The following IL1RAPL1 variants were observed in gnomAD, a reference collection of about 807,000 sequenced individuals.
IL1RAPL1 encodes interleukin 1 receptor accessory protein like 1.
Under a neutral mutation model 48.4 loss-of-function variants are expected in IL1RAPL1, and 3 were observed. The observed-to-expected ratio is 0.06, with a 90% CI of 0.03 to 0.16. The LOEUF (loss-of-function observed/expected upper bound fraction) is 0.16, where lower values mean the gene tolerates loss of function less well. Ranked by LOEUF, IL1RAPL1 falls within the 10% of genes least tolerant of loss-of-function variation. IL1RAPL1 has a pLI of 1.00. For synonymous variants in IL1RAPL1, 185 were observed against 187.7 expected, an observed-to-expected ratio of 0.99 and a Z score of 0.12; for missense variants, 349 against 530.6, an observed-to-expected ratio of 0.66 and a Z score of 3.36.
chrX:29,767,956 A>T (rs1298082992), intron 6 of IL1RAPL1, among the ~76,000 whole-genome samples: 1 of 97,429 alleles, frequency 1.0e-5, no homozygotes, highest in African/African-American at 5.2e-5. Flanking sequence ...GTTGTAAATT[A>T]AAAAAAAAAT....
chrX:28,951,150 A>G lies in IL1RAPL1; in HGVS notation c.82+161725A>G, dbSNP rs760011593. 3.1e-5 allele frequency among the ~76,000 whole-genome samples: 3 copies of G among 95,941 alleles called. No individual in the cohort carries two copies. The South Asian group carries it at 1.9e-3, about 59-fold the overall frequency. 83.3% of individuals were successfully genotyped at this position (95,941 alleles called of 115,157 possible). On this transcript the variant is annotated intron_variant, in intron 2 of 10. Transcript: ENST00000378993. ...GGTGGGGGGAGGGGGGAGGGATAGCATTGGGAGATATACCTAATGCTAGAT... is the reference window on the plus strand; with the variant it reads ...GGTGGGGGGAGGGGGGAGGGATAGCGTTGGGAGATATACCTAATGCTAGAT...
chrX:29,641,175 TAAACAAACAAACAAAC>T (rs60275629), intron 5 of IL1RAPL1, among the ~76,000 whole-genome samples: 11 of 105,618 alleles, frequency 1.0e-4, no homozygotes, highest in Admixed American at 3.0e-4. Flanking sequence ...TGTCTCAAAA[TAAACAAACAAACAAAC>T]AAACAAACAA....
rs1922452415 is a variant in IL1RAPL1 at position 28,879,424 on chromosome X, A to G, written c.82+89999A>G. On this transcript the variant is annotated intron_variant, in intron 2 of 10. Transcript: ENST00000378993. The stretch of plus-strand genomic sequence containing the variant: ...AGCTATGACAATACCTAATATATAA[A>G]TAATTATAATAATAAACCACATTGT... Among the ~76,000 whole-genome samples, 4 of 111,624 alleles carry G rather than the reference A, an allele frequency of 3.6e-5. No individual in the cohort carries two copies. The Admixed American group carries it at 3.8e-4, about 11-fold the overall frequency.
At chrX:29,896,058 C>T (rs2147223580) in intron 6 of IL1RAPL1, among the ~76,000 whole-genome samples, 1 of 111,175 alleles carries the variant, frequency 9.0e-6, no homozygotes, top group Admixed American at 9.6e-5. Context: ...GTAAGCTATA[C>T]CAAGAATGTA....
rs1460900755 is a variant in IL1RAPL1 at position 28,916,500 on chromosome X, T to C, written c.82+127075T>C. Among the ~76,000 whole-genome samples, 3 of 112,516 alleles carry C rather than the reference T, an allele frequency of 2.7e-5. No individual in the cohort carries two copies. The Admixed American group carries it at 2.8e-4, about 11-fold the overall frequency. ...AGCGCTCTAGCCCAGAATAGCTGTG[T>C]ATTGTCAAGCCCTAACAGTTTATGA... On this transcript the variant is annotated intron_variant, in intron 2 of 10. Coordinates refer to ENST00000378993, the MANE Select transcript of IL1RAPL1 (RefSeq NM_014271.4).
At chrX:29,344,016 C>G (rs1466739816) in intron 3 of IL1RAPL1, among the ~76,000 whole-genome samples, 1 of 112,346 alleles carries the variant, frequency 8.9e-6, no homozygotes, top group Non-Finnish European at 1.9e-5. Context: ...TGACATTTAT[C>G]AGCACACTCT....
At chrX:29,362,147 A>G (rs781600506) in intron 3 of IL1RAPL1, among the ~76,000 whole-genome samples, 7 of 112,751 alleles carry the variant, frequency 6.2e-5, no homozygotes, top group Non-Finnish European at 1.1e-4. Context: ...CAGTTAATGC[A>G]TCAATTGTGC....
At chrX:29,830,303 A>G (rs750104475) in intron 6 of IL1RAPL1, among the ~76,000 whole-genome samples, 1 of 111,883 alleles carries the variant, frequency 8.9e-6, no homozygotes, top group African/African-American at 3.2e-5. Context: ...TGGGTGAGCA[A>G]TTCTATTGAG....
chrX:29,430,116 T>C (rs1026408472), intron 5 of IL1RAPL1, among the ~76,000 whole-genome samples: 2 of 76,189 alleles, frequency 2.6e-5, no homozygotes, highest in African/African-American at 8.5e-5. Context: ...TTTATGTCTC[T>C]CTCTGTCTGT....
chrX:28,946,627 A>G (rs181503022), intron 2 of IL1RAPL1, among the ~76,000 whole-genome samples: 11 of 110,973 alleles, frequency 9.9e-5, no homozygotes, highest in African/African-American at 3.3e-4. Context: ...TGTCTAATAG[A>G]TTTTCTCATT....
intron 6 of IL1RAPL1, among the ~76,000 whole-genome samples, chrX:29,678,897 AG>A (rs202003192): frequency 0.065 from 7,267 of 111,105 alleles, 227 homozygotes; most frequent in Middle Eastern, 0.2. Flanking sequence ...ACAAAAAGCC[AG>A]GAAGTTGCTT....
At chrX:29,211,540 C>T (rs1039288518) in intron 2 of IL1RAPL1, among the ~76,000 whole-genome samples, 9 of 111,417 alleles carry the variant, frequency 8.1e-5, no homozygotes, top group Middle Eastern at 4.2e-3. Flanking sequence ...CTTTTAAATT[C>T]GCTGCCACCA....
intron 5 of IL1RAPL1, among the ~76,000 whole-genome samples, chrX:29,603,140 C>T (rs1923777062): frequency 9.1e-6 from 1 of 109,524 alleles, no homozygotes; most frequent in African/African-American, 3.3e-5. Flanking sequence ...GTGATGGGCG[C>T]CTGTAATCCC....
chrX:28,854,856 T>C (rs1462830549), intron 2 of IL1RAPL1, among the ~76,000 whole-genome samples: 1 of 111,596 alleles, frequency 9.0e-6, no homozygotes, highest in African/African-American at 3.3e-5. Flanking sequence ...GGGAACAGAA[T>C]GCACACAAAT....
chrX:29,913,393 T>TACACACACACACACACACACACACAC (rs775944840), intron 6 of IL1RAPL1, among the ~76,000 whole-genome samples: 134 of 105,940 alleles, frequency 1.3e-3, no homozygotes, highest in African/African-American at 3.8e-3. Flanking sequence ...GACACAGTGA[T>TACACACACACACACACACACACACAC]ACACACACAC....
intron 2 of IL1RAPL1, among the ~76,000 whole-genome samples, chrX:29,180,684 C>CA (rs1276541494): frequency 6.3e-5 from 7 of 111,523 alleles, no homozygotes; most frequent in African/African-American, 2.3e-4. Context: ...GCCAGAAACT[C>CA]AATTATTTTT....
At chrX:29,619,041 G>A (rs747216442) in intron 5 of IL1RAPL1, among the ~76,000 whole-genome samples, 1 of 111,609 alleles carries the variant, frequency 9.0e-6, no homozygotes, top group South Asian at 3.8e-4. Context: ...CATACAAAAT[G>A]GTCAACTGCA....
chrX:28,736,579 A>C (rs1395633050), intron 1 of IL1RAPL1, among the ~76,000 whole-genome samples: 2 of 112,065 alleles, frequency 1.8e-5, no homozygotes, highest in Non-Finnish European at 3.8e-5. Context: ...AAAATGACTT[A>C]GTTTATGTTC....
intron 2 of IL1RAPL1, among the ~76,000 whole-genome samples, chrX:29,162,990 T>C (rs900125242): frequency 4.6e-5 from 5 of 109,244 alleles, no homozygotes; most frequent in Non-Finnish European, 9.5e-5. Flanking sequence ...GGAGAATCAC[T>C]TGAACCTGGG....
Sources: allele counts gnomAD v4.1 joint callset (sites outside exome capture counted in the v4.1 genomes callset), GRCh38; gene constraint gnomAD v4.1.1; transcripts MANE v1.5; gene names NCBI Gene and HGNC (gene_info 2026-07-23, HGNC 2026-07-21).